The following STK32C variants were observed in gnomAD, a reference collection of about 807,000 sequenced individuals.
The protein encoded by STK32C is serine/threonine kinase 32C.
In STK32C, 31 loss-of-function variants were observed where a neutral mutation model predicts 56.5. That is an observed-to-expected ratio of 0.55 (90% CI 0.41 to 0.74). The LOEUF is 0.74. STK32C is among the 30% of genes least tolerant of loss of function. The pLI, the probability that STK32C is intolerant of heterozygous loss-of-function variation, is 0.00. For missense variants in STK32C, 544 were observed against 676.9 expected, an observed-to-expected ratio of 0.80 and a Z score of 2.18; for synonymous variants, 309 against 289.4, an observed-to-expected ratio of 1.07 and a Z score of -0.69.
intron 1 of STK32C, among the ~76,000 whole-genome samples, chr10:132,266,532 C>T (rs1259783853): frequency 1.3e-5 from 2 of 152,140 alleles, no homozygotes; most frequent in East Asian, 1.9e-4. Context: ...GCGTTTTAGG[C>T]ATCTTATCTG....
At chr10:132,273,607 G>T (rs1007990546) in intron 1 of STK32C, among the ~76,000 whole-genome samples, 3 of 152,156 alleles carry the variant, frequency 2.0e-5, no homozygotes, top group African/African-American at 4.8e-5. Flanking sequence ...AATGAGTGAA[G>T]GAGTTACTGA....
At chr10:132,296,326 G>A (rs1199762905) in intron 1 of STK32C, among the ~76,000 whole-genome samples, 2 of 151,868 alleles carry the variant, frequency 1.3e-5, no homozygotes, top group African/African-American at 2.4e-5. Context: ...AAGTGACACC[G>A]GGGAACAACT....
upstream of STK32C, among the ~76,000 whole-genome samples, chr10:132,311,138 A>G (rs2066212174): frequency 6.6e-6 from 1 of 152,170 alleles, no homozygotes; most frequent in Non-Finnish European, 1.5e-5. The surrounding 1 kb of genome is among the most constrained non-coding windows in gnomAD (Gnocchi z 4.4). Context: ...CTCCGTTGCC[A>G]CATAATTGGC....
At chr10:132,276,223 T>C (rs559900625) in intron 1 of STK32C, among the ~76,000 whole-genome samples, 2 of 152,282 alleles carry the variant, frequency 1.3e-5, no homozygotes, top group East Asian at 1.9e-4. Context: ...AGAAAAACCA[T>C]TTTCAAGGGA....
At chr10:132,246,985 C>T (rs1286470481) in intron 1 of STK32C, among the ~76,000 whole-genome samples, 1 of 152,228 alleles carries the variant, frequency 6.6e-6, no homozygotes, top group African/African-American at 2.4e-5. Flanking sequence ...TGGTTCATGA[C>T]ATTTCACCTA....
At chr10:132,322,220 T>A (rs1223727221), downstream of STK32C, among the ~76,000 whole-genome samples, 3 of 152,236 alleles carry the variant, frequency 2.0e-5, no homozygotes, top group African/African-American at 7.2e-5. Context: ...TACTGTGAGC[T>A]ATTGGTTTAT....
intron 1 of STK32C, among the ~76,000 whole-genome samples, chr10:132,293,100 G>A (rs2065621519): frequency 6.6e-6 from 1 of 152,272 alleles, no homozygotes; most frequent in African/African-American, 2.4e-5. Flanking sequence ...CACGTGCGGG[G>A]CGGTCAGTGC....
intron 1 of STK32C, among the ~76,000 whole-genome samples, chr10:132,289,800 AAG>A (rs1768250700): frequency 6.6e-6 from 1 of 152,090 alleles, no homozygotes; most frequent in South Asian, 2.1e-4. Context: ...GTACCTCCCA[AAG>A]GCCCTAGGTC....
intron 1 of STK32C, among the ~76,000 whole-genome samples, chr10:132,283,677 G>C (rs571864564): frequency 1.3e-5 from 2 of 152,196 alleles, no homozygotes; most frequent in African/African-American, 4.8e-5. Context: ...GAGAGGAGGA[G>C]GGAGAGGCCG....
At chr10:132,306,169 C>T (rs949927824) in intron 1 of STK32C, among the ~76,000 whole-genome samples, 3 of 152,294 alleles carry the variant, frequency 2.0e-5, no homozygotes, top group East Asian at 3.9e-4. Context: ...CTCCCACCCC[C>T]GGAGAGCACG....
chr10:132,280,787 G>C (rs1405022166), intron 1 of STK32C, among the ~76,000 whole-genome samples: 2 of 135,706 alleles, frequency 1.5e-5, no homozygotes, highest in African/African-American at 5.7e-5. Context: ...CTGTGATCAC[G>C]CCACTGCACC....
chr10:132,231,100 C>G (rs2063084785), intron 2 of STK32C, among the ~76,000 whole-genome samples: 1 of 152,236 alleles, frequency 6.6e-6, no homozygotes, highest in Non-Finnish European at 1.5e-5. Flanking sequence ...CCATCTGGGA[C>G]CAGCCCCTTG....
intron 1 of STK32C, among the ~76,000 whole-genome samples, chr10:132,314,952 C>T (rs188852747): frequency 6.6e-6 from 1 of 151,996 alleles, no homozygotes; most frequent in Admixed American, 6.6e-5. Flanking sequence ...CTGACCAACA[C>T]GGAGAAACCC....
chr10:132,211,678 G>A (rs1420888121), intron 10 of STK32C, among the ~76,000 whole-genome samples: 1 of 152,204 alleles, frequency 6.6e-6, no homozygotes. Context: ...TTGGGTGGCT[G>A]GAACCCTTTG....
chr10:132,221,438 A>G (rs1380665395), intron 10 of STK32C, among the ~76,000 whole-genome samples: 1 of 131,902 alleles, frequency 7.6e-6, no homozygotes, highest in East Asian at 2.6e-4. Context: ...TCACGTGGCC[A>G]TCCCTGCACA....
chr10:132,245,271 G>T (rs2063646228), intron 2 of STK32C, among the ~76,000 whole-genome samples: 1 of 152,210 alleles, frequency 6.6e-6, no homozygotes, highest in African/African-American at 2.4e-5. Flanking sequence ...ATTCAGAAGT[G>T]ATTCATCCAC....
intron 1 of STK32C, among the ~76,000 whole-genome samples, chr10:132,260,035 T>A (rs770865903): frequency 1.1e-4 from 16 of 151,562 alleles, no homozygotes; most frequent in South Asian, 4.2e-4. Context: ...CATGCACACA[T>A]GCCACAAATG....
At position 132,222,885 on chromosome 10, in the gene STK32C, C is replaced by T. The variant is rs1229598712; in HGVS notation, c.1095G>A (p.Arg365=). The T allele has an allele frequency of 1.9e-6, 3 of 1,573,604 alleles. No individual in the cohort carries two copies. In the South Asian group the frequency reaches 3.5e-5, roughly 18 times the overall value. The change falls in exon 9 of 12, where the codon AGG becomes AGA. Residue 365 remains arginine (R), a synonymous_variant. Transcript: ENST00000298630. ...GVLWDHLSEK[R]VEPGFVPNKG... ...CGTTGGGCACGAAGCCCGGCTCCAC[C>T]CTCTTCTCGCTCAGGTGGTCCCACA...
chr10:132,243,249 T>C (rs1233987592), intron 2 of STK32C, among the ~76,000 whole-genome samples: 3 of 152,208 alleles, frequency 2.0e-5, no homozygotes, highest in Non-Finnish European at 2.9e-5. Flanking sequence ...TGGAATGCGA[T>C]GTCCTGGATT....
Sources: allele counts gnomAD v4.1 joint callset (sites outside exome capture counted in the v4.1 genomes callset), GRCh38; gene constraint gnomAD v4.1.1; non-coding constraint Gnocchi (gnomAD v3.1); transcripts MANE v1.5; gene names NCBI Gene and HGNC (gene_info 2026-07-23, HGNC 2026-07-21).